Variants in AXIN1 observed in about 807,000 individuals in gnomAD.
AXIN1 encodes axin-1.
In AXIN1, 30 loss-of-function variants were observed where a neutral mutation model predicts 76.4. That is an observed-to-expected ratio of 0.39 (90% CI 0.29 to 0.53). The LOEUF (loss-of-function observed/expected upper bound fraction) is 0.53, where lower values mean the gene tolerates loss of function less well. Among genes scored for constraint, AXIN1 ranks in the 20% least tolerant of loss-of-function variants. The pLI is 0.66. For missense variants in AXIN1, 1,140 were observed against 1,198.8 expected (o/e 0.95, Z 0.72); for synonymous variants, 545 against 501.4 (o/e 1.09, Z -1.16).
chr16:346,106 C>G (rs776076606), intron 2 of AXIN1, 42 bp downstream of exon 2: 4 of 1,594,128 alleles, frequency 2.5e-6, no homozygotes, highest in Non-Finnish European at 3.4e-6. Context: ...CTCCAGCTCT[C>G]GGAGGTGAGT....
At chr16:322,433 C>T (rs143219429) in intron 2 of AXIN1, among the ~76,000 whole-genome samples, 10 of 152,304 alleles carry the variant, frequency 6.6e-5, no homozygotes, top group Non-Finnish European at 1.3e-4. Context: ...TGTGCTCCTA[C>T]GGCTGTGTTT....
At chr16:351,079 C>T (rs146832067) in intron 1 of AXIN1, among the ~76,000 whole-genome samples, 3,327 of 149,446 alleles carry the variant, frequency 0.022, 115 homozygotes, top group African/African-American at 0.078. Flanking sequence ...ATGCGGTGAG[C>T]GGAGATCACG....
intron 5 of AXIN1, among the ~76,000 whole-genome samples, chr16:303,093 C>G (rs2052917901): frequency 6.6e-6 from 1 of 152,222 alleles, no homozygotes; most frequent in Non-Finnish European, 1.5e-5. Context: ...AACTCCTCGG[C>G]TCAAGTGCTT....
Position 298,319 on chromosome 16 carries a change from T to C in AXIN1, c.1255-68A>G, listed in dbSNP as rs908722995. 8 of 1,534,058 alleles carry C rather than the reference T, an allele frequency of 5.2e-6. No homozygotes were observed. In the African/African-American group the frequency reaches 9.6e-5, roughly 18 times the overall value. Reference sequence around the variant, plus strand: ...GCACACTTGGGGAAAACAAAAAGCATCAGGCCTGACCCAGCAGCCCCAGCA... The same window carrying C: ...GCACACTTGGGGAAAACAAAAAGCACCAGGCCTGACCCAGCAGCCCCAGCA... On this transcript the variant is annotated intron_variant, in intron 5 of 10. Coordinates refer to ENST00000262320, the MANE Select transcript of AXIN1 (RefSeq NM_003502.4).
chr16:323,977 C>T lies in AXIN1; in HGVS notation c.879-9294G>A, dbSNP rs377350905. Among the ~76,000 whole-genome samples, 4 of 152,124 alleles carry T rather than the reference C, an allele frequency of 2.6e-5. No homozygotes were observed. The East Asian group carries it at 5.8e-4, about 22-fold the overall frequency. On this transcript the variant is annotated intron_variant, in intron 2 of 10. Coordinates refer to ENST00000262320, the MANE Select transcript of AXIN1 (RefSeq NM_003502.4). The stretch of plus-strand genomic sequence containing the variant: ...CCCTGGAGACACCAGCCTGTGGGAG[C>T]CCCAAAGCCCACAGGAGAGCCCCAT...
Position 339,230 on chromosome 16 carries a change from G to A in AXIN1, c.878+6918C>T, listed in dbSNP as rs554168855. ...AAAAAAAAAAAAAAAAAGGCCGGGCGTGGTGGCTCACACCTGTAATCCCAG... is the reference window on the plus strand; with the variant it reads ...AAAAAAAAAAAAAAAAAGGCCGGGCATGGTGGCTCACACCTGTAATCCCAG... On this transcript the variant is annotated intron_variant, in intron 2 of 10. Coordinates refer to ENST00000262320, the MANE Select transcript of AXIN1 (RefSeq NM_003502.4). Among the ~76,000 whole-genome samples the A allele has an allele frequency of 8.4e-4, 125 of 148,468 alleles. 1 individual carries two copies. In the South Asian group the frequency reaches 0.019, roughly 23 times the overall value.
At chr16:347,173 C>G (rs2054050437) in intron 1 of AXIN1, 67 bp from the exon 2 acceptor site, 4 of 1,430,732 alleles carry the variant, frequency 2.8e-6, no homozygotes, top group Admixed American at 1.9e-5. Flanking sequence ...CAGAGGTTTT[C>G]TCAAGACAAG....
Position 293,763 on chromosome 16 carries a change from G to T in AXIN1, c.1956-45C>A, listed in dbSNP as rs761141805. 2 of 1,588,488 alleles carry T rather than the reference G, an allele frequency of 1.3e-6. No individual in the cohort carries two copies. Among genetic ancestry groups the T allele is most frequent in the Non-Finnish European group, 1.7e-6 (2 of 1,161,140 alleles). ...AGTTGTGACTGTGGCCGACACCCTG[G>T]CCAGGTGGCCTGGTGGGGCTACACT... is the stretch of plus-strand genomic sequence containing the variant. On this transcript the variant is annotated intron_variant, in intron 7 of 10. Transcript: ENST00000262320. The surrounding 1 kb of genome is among the most constrained non-coding windows in gnomAD (Gnocchi z 4.6).
Position 314,487 on chromosome 16 carries a change from G to T in AXIN1, c.1019+56C>A. ...TGTCCTCAAGGGACAAGGTGTCTGGGACCGGACTTACACACTGCTGTCCGT... is the reference window on the plus strand; with the variant it reads ...TGTCCTCAAGGGACAAGGTGTCTGGTACCGGACTTACACACTGCTGTCCGT... On this transcript the variant is annotated intron_variant, in intron 3 of 10. Transcript: ENST00000262320. 3 of 1,609,766 alleles carry T rather than the reference G, an allele frequency of 1.9e-6. No individual in the cohort carries two copies. In the South Asian group the frequency reaches 3.3e-5, roughly 18 times the overall value.
At chr16:301,228 G>A (rs1272693089) in intron 5 of AXIN1, among the ~76,000 whole-genome samples, 2 of 150,440 alleles carry the variant, frequency 1.3e-5, no homozygotes, top group Admixed American at 6.7e-5. Flanking sequence ...CTGAGATCGT[G>A]CCACTGCACT....
chr16:327,600 C>T (rs2083485092), intron 2 of AXIN1, among the ~76,000 whole-genome samples: 1 of 152,220 alleles, frequency 6.6e-6, no homozygotes, highest in East Asian at 1.9e-4. Context: ...GCAGACTGTC[C>T]ACAGGCGCAG....
chr16:320,954 G>GA (rs1555482291), intron 2 of AXIN1, among the ~76,000 whole-genome samples: 5 of 151,836 alleles, frequency 3.3e-5, no homozygotes, highest in Non-Finnish European at 7.4e-5. Context: ...TGGTCAGGCT[G>GA]GTCTCGAACG....
At chr16:337,624 C>T (rs956577243) in intron 2 of AXIN1, among the ~76,000 whole-genome samples, 52 of 152,198 alleles carry the variant, frequency 3.4e-4, no homozygotes, top group African/African-American at 1.2e-3. Flanking sequence ...GCCAGGACAC[C>T]CGGACGCCCA....
chr16:290,704 T>G (rs1267523619), intron 9 of AXIN1: 2 of 289,526 alleles, frequency 6.9e-6, no homozygotes, highest in Non-Finnish European at 1.4e-5. Flanking sequence ...GCAGTCAGCA[T>G]TGTAGGTGGG....
rs375056909 is a variant in AXIN1, at chr16:309,276, C to T, written c.1116+697G>A. On this transcript the variant is annotated intron_variant, in intron 4 of 10. Transcript: ENST00000262320. ...ACCCGGGAGGCAGAGCTTGCAGTGACAGCAAAACTCCTATCTCAAAAAAAA... is the reference window on the plus strand; with the variant it reads ...ACCCGGGAGGCAGAGCTTGCAGTGATAGCAAAACTCCTATCTCAAAAAAAA... Among the ~76,000 whole-genome samples the T allele has an allele frequency of 5.4e-4, 80 of 147,354 alleles. No individual in the cohort carries two copies. The South Asian group carries it at 7.0e-3, about 13-fold the overall frequency.
At chr16:313,945 G>A (rs556560939) in intron 3 of AXIN1, among the ~76,000 whole-genome samples, 4 of 152,306 alleles carry the variant, frequency 2.6e-5, no homozygotes, top group South Asian at 2.1e-4. Context: ...CCTCACTCCT[G>A]CTCCCAGCCC....
intron 2 of AXIN1, among the ~76,000 whole-genome samples, chr16:329,824 G>A (rs1368386638): frequency 1.3e-5 from 2 of 148,996 alleles, no homozygotes; most frequent in South Asian, 2.1e-4. Flanking sequence ...TAGTAGACAC[G>A]GGGTTTCACT....
intron 9 of AXIN1, 136 bp from the exon 10 acceptor site, chr16:289,743 G>GCCCGCAGCC (rs1555472366): frequency 7.4e-6 from 8 of 1,083,452 alleles, no homozygotes; most frequent in African/African-American, 6.2e-5. Flanking sequence ...AACACCTGGG[G>GCCCGCAGCC]CCCGCAGCCC....
intron 5 of AXIN1, among the ~76,000 whole-genome samples, chr16:299,714 G>C (rs1283154490): frequency 6.6e-6 from 1 of 151,552 alleles, no homozygotes; most frequent in Non-Finnish European, 1.5e-5. Context: ...GGAGTGCAGT[G>C]GCACGATCTC....
Sources: allele counts gnomAD v4.1 joint callset (sites outside exome capture counted in the v4.1 genomes callset), GRCh38; gene constraint gnomAD v4.1.1; non-coding constraint Gnocchi (gnomAD v3.1); transcripts MANE v1.5; gene names NCBI Gene and HGNC (gene_info 2026-07-23, HGNC 2026-07-21).